The following WWOX variants were observed in gnomAD, a reference collection of about 807,000 sequenced individuals.
The protein encoded by WWOX is WW domain-containing oxidoreductase.
In WWOX, 69 loss-of-function variants were observed where a neutral mutation model predicts 46.2. That is an observed-to-expected ratio of 1.49 (90% CI 1.23 to 1.82). The LOEUF (loss-of-function observed/expected upper bound fraction) is 1.82, where lower values mean the gene tolerates loss of function less well. Among genes scored for constraint, WWOX ranks in the 40% most tolerant of loss-of-function variants. The pLI is 0.00. For missense variants in WWOX, 919 were observed against 542.6 expected (o/e 1.69, Z -6.89); for synonymous variants, 359 against 202.6 (o/e 1.77, Z -6.56).
At chr16:78,292,979 G>T (rs374888535) in intron 5 of WWOX, among the ~76,000 whole-genome samples, 20 of 152,302 alleles carry the variant, frequency 1.3e-4, no homozygotes, top group South Asian at 6.2e-4. Context: ...TTGTTGAACA[G>T]ACTCTGGAAA....
chr16:78,784,343 T>G (rs1241569012), intron 8 of WWOX, among the ~76,000 whole-genome samples: 2 of 152,112 alleles, frequency 1.3e-5, no homozygotes, highest in African/African-American at 4.8e-5. Flanking sequence ...AGATTACAGG[T>G]CCTCAGTCTC....
intron 8 of WWOX, among the ~76,000 whole-genome samples, chr16:78,804,862 C>A (rs1041744880): frequency 3.3e-5 from 5 of 152,174 alleles, no homozygotes; most frequent in African/African-American, 9.7e-5. Context: ...AGGATGTAGC[C>A]ATGACAGTAT....
At chr16:78,531,813 G>C (rs1383814903) in intron 8 of WWOX, among the ~76,000 whole-genome samples, 1 of 152,104 alleles carries the variant, frequency 6.6e-6, no homozygotes, top group African/African-American at 2.4e-5. Context: ...AGCCAAACTT[G>C]CACAACTGAA....
rs2150679997 is a variant in WWOX at position 79,123,287 on chromosome 16, T to G, written c.1057-88321T>G. Among the ~76,000 whole-genome samples the G allele has an allele frequency of 2.6e-5, 4 of 152,184 alleles. No individual in the cohort carries two copies. The East Asian group carries it at 7.8e-4, about 30-fold the overall frequency. ...GAGAGCTGAGCATAAGGATCTAAGT[T>G]TAGACGCCCTCCTAGGATTACCAAC... On this transcript the variant is annotated intron_variant, in intron 8 of 8. Transcript: ENST00000566780.
At chr16:78,973,798 C>T (rs1433861108) in intron 8 of WWOX, among the ~76,000 whole-genome samples, 1 of 152,152 alleles carries the variant, frequency 6.6e-6, no homozygotes, top group Non-Finnish European at 1.5e-5. Flanking sequence ...GATATGCGGG[C>T]AGGGGTTCGG....
intron 8 of WWOX, among the ~76,000 whole-genome samples, chr16:79,151,321 G>T (rs2050274240): frequency 6.6e-6 from 1 of 152,152 alleles, no homozygotes; most frequent in Non-Finnish European, 1.5e-5. Flanking sequence ...GCTCCTGGAG[G>T]TCACTAACAA....
chr16:78,496,544 C>T (rs768265444), intron 8 of WWOX: 2 of 152,218 alleles, frequency 1.3e-5, no homozygotes, highest in African/African-American at 2.4e-5. Context: ...GTGTACCATT[C>T]TATGACCATT....
At chr16:79,004,211 C>T (rs1452454691) in intron 8 of WWOX, 1 of 152,170 alleles carries the variant, frequency 6.6e-6, no homozygotes, top group East Asian at 1.9e-4. Flanking sequence ...TCCCTGTGCA[C>T]CTTCAGAACC....
At chr16:79,019,017 C>T (rs1389738445) in intron 8 of WWOX, among the ~76,000 whole-genome samples, 1 of 151,374 alleles carries the variant, frequency 6.6e-6, no homozygotes, top group Non-Finnish European at 1.5e-5. Flanking sequence ...GCCGGGCAGG[C>T]ATGGTGGCTC....
At position 79,145,407 on chromosome 16, in the gene WWOX, G is replaced by T. The variant is rs527407727; in HGVS notation, c.1057-66201G>T. Among the ~76,000 whole-genome samples, 11 of 152,168 alleles carry T rather than the reference G, an allele frequency of 7.2e-5. No homozygotes were observed. The East Asian group carries it at 2.1e-3, about 29-fold the overall frequency. ...TTTTTAGAGATGGTCTCACTATGTT[G>T]CCCAGGCTGGTCTCGATCTCCTAGG... is the stretch of plus-strand genomic sequence containing the variant. On this transcript the variant is annotated intron_variant, in intron 8 of 8. Coordinates refer to ENST00000566780, the MANE Select transcript of WWOX (RefSeq NM_016373.4).
chr16:78,953,722 T>A (rs906574208), intron 8 of WWOX, among the ~76,000 whole-genome samples: 6 of 152,266 alleles, frequency 3.9e-5, no homozygotes, highest in Middle Eastern at 3.4e-3. Flanking sequence ...ATGGATAAAC[T>A]CTTTCCTGGA....
chr16:78,784,644 T>G (rs146300069), intron 8 of WWOX, among the ~76,000 whole-genome samples: 71 of 152,310 alleles, frequency 4.7e-4, no homozygotes, highest in African/African-American at 1.6e-3. Flanking sequence ...AGAAGAGAGT[T>G]TGGCATTTGC....
At chr16:78,992,036 G>A (rs1457485979) in intron 8 of WWOX, among the ~76,000 whole-genome samples, 1 of 152,116 alleles carries the variant, frequency 6.6e-6, no homozygotes, top group Non-Finnish European at 1.5e-5. Flanking sequence ...CCACTTTCAG[G>A]CTCTCCTTTC....
At chr16:78,972,996 C>T (rs917587514) in intron 8 of WWOX, among the ~76,000 whole-genome samples, 4 of 152,288 alleles carry the variant, frequency 2.6e-5, no homozygotes, top group Non-Finnish European at 5.9e-5. Context: ...ATCCCTTCCT[C>T]CGATCGCATT....
intron 8 of WWOX, among the ~76,000 whole-genome samples, chr16:78,912,562 G>A (rs2045139654): frequency 6.6e-6 from 1 of 152,026 alleles, no homozygotes; most frequent in South Asian, 2.1e-4. Flanking sequence ...GACAAAACCA[G>A]CAGGGTTATA....
rs60281450 is a variant in WWOX at position 78,508,310 on chromosome 16, C to CTTTTTTT, written c.1056+75582_1056+75588dup. 8.0e-3 allele frequency among the ~76,000 whole-genome samples: 906 copies of CTTTTTTT among 112,556 alleles called. 72 individuals are homozygous for CTTTTTTT. The highest frequency in any genetic ancestry group is 0.017 in the East Asian group (62 of 3,646). 73.8% of individuals were successfully genotyped at this position (112,556 alleles called of 152,430 possible). A position where few individuals can be genotyped will look rare whatever the true frequency, so the allele number is the denominator to read the frequency against. On this transcript the variant is annotated intron_variant, in intron 8 of 8. Coordinates refer to ENST00000566780, the MANE Select transcript of WWOX (RefSeq NM_016373.4). Reference sequence around the variant, plus strand: ...ATAGGCGTGAGCCACTGCGCCCGGCCTTTTTTTTTTTTTTTTTTTTTTTTT... The same window carrying CTTTTTTT: ...ATAGGCGTGAGCCACTGCGCCCGGCCTTTTTTTTTTTTTTTTTTTTTTTTTTTTTTTT...
chr16:78,766,987 A>G (rs947177192), intron 8 of WWOX, among the ~76,000 whole-genome samples: 11 of 152,084 alleles, frequency 7.2e-5, no homozygotes, highest in African/African-American at 2.4e-4. Context: ...TACTTTCTGC[A>G]TCTATGAAAT....
chr16:78,881,465 C>A lies in WWOX; in HGVS notation c.1057-330143C>A, dbSNP rs185805113. ...AAGGAAAATCAGAGAATAAAAGTTT[C>A]CAATGCATTTAGACTAGAAAATTAA... is the stretch of plus-strand genomic sequence containing the variant. On this transcript the variant is annotated intron_variant, in intron 8 of 8. Transcript: ENST00000566780. Among the ~76,000 whole-genome samples, 120 of 152,308 alleles carry A rather than the reference C, an allele frequency of 7.9e-4. 3 individuals carry two copies. The highest frequency in any genetic ancestry group is 6.8e-3 in the Middle Eastern group (2 of 294).
intron 8 of WWOX, among the ~76,000 whole-genome samples, chr16:79,058,873 G>C (rs1198127719): frequency 1.3e-5 from 2 of 152,174 alleles, no homozygotes; most frequent in African/African-American, 4.8e-5. Context: ...TGTGTTTACA[G>C]AAGAACCAGA....
Sources: gnomAD v4.1 joint callset for allele counts (sites outside exome capture counted in the v4.1 genomes callset) on GRCh38, gnomAD v4.1.1 for gene constraint, MANE v1.5 for transcripts, NCBI Gene and HGNC (gene_info 2026-07-23, HGNC 2026-07-21) for gene names.